The following PDE3A variants were observed in gnomAD, a reference collection of about 807,000 sequenced individuals.
PDE3A encodes the protein phosphodiesterase 3A, also known as cGMP-inhibited 3',5'-cyclic phosphodiesterase 3A.
In PDE3A, 43 loss-of-function variants were observed where a neutral mutation model predicts 98.3. The observed-to-expected ratio is 0.44, with a 90% CI of 0.34 to 0.56. The LOEUF (loss-of-function observed/expected upper bound fraction) is 0.56. PDE3A is among the 20% of genes least tolerant of loss of function. The pLI is 0.01. For synonymous variants in PDE3A, 663 were observed against 567.9 expected, an observed-to-expected ratio of 1.17 and a Z score of -2.38; for missense variants, 1,427 against 1,440.7, an observed-to-expected ratio of 0.99 and a Z score of 0.15.
At chr12:20,514,016 C>A (rs1017865984) in intron 1 of PDE3A, among the ~76,000 whole-genome samples, 1 of 152,218 alleles carries the variant, frequency 6.6e-6, no homozygotes, top group Non-Finnish European at 1.5e-5. Context: ...TAGTCTGTTA[C>A]ACTTGCAGTG....
chr12:20,613,308 T>C, intron 2 of PDE3A, 135 bp from the exon 3 acceptor site: 1 of 751,990 alleles, frequency 1.3e-6, no homozygotes, highest in South Asian at 1.8e-5. Context: ...TTGAAATAGG[T>C]GGTGTGAATT....
rs897281210 is a variant in PDE3A, at chr12:20,369,190, C to T, written c.-95C>T. The T allele has an allele frequency of 3.2e-5, 21 of 653,496 alleles. No homozygotes were observed. The highest frequency in any genetic ancestry group is 6.2e-5 in the East Asian group (2 of 32,234). The allele number at this position is 653,496 out of a possible 1,614,324, so 40.5% of individuals were successfully genotyped here. On this transcript the variant is annotated 5_prime_UTR_variant, in exon 1 of 16. Transcript: ENST00000359062. ...GGTGGAATTGGGAAGAGCGTGCGTG[C>T]GTGTGTGTGTGTGTGTGTGTGCGCG...
chr12:20,592,235 T>A (rs1245433254), intron 2 of PDE3A, among the ~76,000 whole-genome samples: 3 of 152,132 alleles, frequency 2.0e-5, no homozygotes, highest in Admixed American at 2.0e-4. Context: ...TATTGTGTCT[T>A]AAAAGCATAT....
At chr12:20,587,237 T>C (rs1050367413) in intron 2 of PDE3A, among the ~76,000 whole-genome samples, 1 of 152,016 alleles carries the variant, frequency 6.6e-6, no homozygotes, top group Non-Finnish European at 1.5e-5. Flanking sequence ...GCGAGGTGGT[T>C]GCGTGCCTGT....
intron 1 of PDE3A, among the ~76,000 whole-genome samples, chr12:20,435,508 A>AGGTAGGGAGGTAG (rs1250788186): frequency 6.6e-6 from 1 of 152,136 alleles, no homozygotes; most frequent in Non-Finnish European, 1.5e-5. Context: ...ACAATGTCAA[A>AGGTAGGGAGGTAG]GAAAATTTGT....
intron 1 of PDE3A, among the ~76,000 whole-genome samples, chr12:20,380,714 T>C (rs573740359): frequency 6.6e-6 from 1 of 151,892 alleles, no homozygotes; most frequent in South Asian, 2.1e-4. Context: ...AGGCAGACTT[T>C]TTAGAGAGAT....
At chr12:20,595,056 C>G (rs1943433036) in intron 2 of PDE3A, among the ~76,000 whole-genome samples, 1 of 152,008 alleles carries the variant, frequency 6.6e-6, no homozygotes, top group Non-Finnish European at 1.5e-5. Flanking sequence ...TTTACTTCAA[C>G]TAGTTGTAGC....
chr12:20,410,316 C>T lies in PDE3A; in HGVS notation c.960+40072C>T, dbSNP rs150622575. ...GCAGTGAGATTCTGATTCAGGCATT[C>T]AGTATTGGGACCAAGGGAGAGTTAA... On this transcript the variant is annotated intron_variant, in intron 1 of 15. Coordinates refer to ENST00000359062, the MANE Select transcript of PDE3A (RefSeq NM_000921.5). 3.3e-5 allele frequency among the ~76,000 whole-genome samples: 5 copies of T among 152,292 alleles called. No homozygotes were observed. The East Asian group carries it at 9.6e-4, about 29-fold the overall frequency.
intron 1 of PDE3A, among the ~76,000 whole-genome samples, chr12:20,522,985 CTAGT>C (rs1307130834): frequency 6.6e-6 from 1 of 151,638 alleles, no homozygotes; most frequent in African/African-American, 2.4e-5. Context: ...TTTTAAAAAA[CTAGT>C]TAGCCTGAGA....
intron 1 of PDE3A, among the ~76,000 whole-genome samples, chr12:20,495,478 C>A (rs1228172776): frequency 2.6e-5 from 4 of 152,000 alleles, no homozygotes; most frequent in African/African-American, 7.2e-5. Flanking sequence ...TTACATAGAA[C>A]AATATACTTA....
intron 1 of PDE3A, among the ~76,000 whole-genome samples, chr12:20,555,967 A>T (rs1031894378): frequency 2.0e-5 from 3 of 152,182 alleles, no homozygotes; most frequent in African/African-American, 7.2e-5. Context: ...GGTACTGATG[A>T]CTAATAAGAT....
intron 1 of PDE3A, among the ~76,000 whole-genome samples, chr12:20,463,799 C>T (rs1022504334): frequency 7.9e-5 from 12 of 152,086 alleles, no homozygotes; most frequent in Non-Finnish European, 1.3e-4. Flanking sequence ...ATACTTAATC[C>T]CACTTCCCAG....
At chr12:20,598,696 A>T (rs892048257) in intron 2 of PDE3A, among the ~76,000 whole-genome samples, 45 of 152,214 alleles carry the variant, frequency 3.0e-4, no homozygotes, top group Non-Finnish European at 4.4e-4. Context: ...GTACTTAGAG[A>T]TTTCTGAAAG....
chr12:20,639,137 A>G (rs1565458989), intron 9 of PDE3A, among the ~76,000 whole-genome samples: 2 of 152,140 alleles, frequency 1.3e-5, no homozygotes. Flanking sequence ...CAGCATACAG[A>G]ATTTCATTAC....
chr12:20,616,356 A>G lies in PDE3A; in HGVS notation c.1396A>G (p.Ile466Val). Residue 466 changes from isoleucine to valine, a missense_variant, in exon 4 of 16, where the codon ATC (isoleucine) becomes GTC (valine). Physicochemically the swap from Ile to Val is conservative, Grantham distance 29 (BLOSUM62 3). Transcript: ENST00000359062. ...AGTACGGAGAGACCGCAGCACCAGCATCAAACTGCAGGAAGCACCTTCATC... is the reference window on the plus strand; with the variant it reads ...AGTACGGAGAGACCGCAGCACCAGCGTCAAACTGCAGGAAGCACCTTCATC... The part of the protein sequence containing the change: ...APVRRDRSTS[I>V]KLQEAPSSSP... The G allele has an allele frequency of 6.2e-7, 1 of 1,613,502 alleles. No individual in the cohort carries two copies. Among genetic ancestry groups the G allele is most frequent in the Non-Finnish European group, 8.5e-7 (1 of 1,179,580 alleles).
At chr12:20,485,529 T>A (rs1454745042) in intron 1 of PDE3A, among the ~76,000 whole-genome samples, 4 of 152,204 alleles carry the variant, frequency 2.6e-5, no homozygotes, top group Non-Finnish European at 5.9e-5. Context: ...ATTTTCAGAG[T>A]ACTTTATATT....
chr12:20,668,426 C>A (rs1331439598), intron 15 of PDE3A, among the ~76,000 whole-genome samples: 1 of 152,072 alleles, frequency 6.6e-6, no homozygotes, highest in Non-Finnish European at 1.5e-5. Context: ...ACAGCAGTAA[C>A]CTCTGCAGAC....
intron 6 of PDE3A, among the ~76,000 whole-genome samples, chr12:20,632,435 T>C (rs1056004733): frequency 6.6e-6 from 1 of 152,136 alleles, no homozygotes; most frequent in African/African-American, 2.4e-5. Context: ...TAGTCTGTGG[T>C]TAAATAACAA....
intron 15 of PDE3A, among the ~76,000 whole-genome samples, chr12:20,673,119 T>A (rs1429047410): frequency 6.6e-6 from 1 of 152,040 alleles, no homozygotes; most frequent in African/African-American, 2.4e-5. Flanking sequence ...TCACTGGCCA[T>A]CAGAGAAATG....
Sources: gnomAD v4.1 joint callset for allele counts (sites outside exome capture counted in the v4.1 genomes callset) on GRCh38, gnomAD v4.1.1 for gene constraint, MANE v1.5 for transcripts, NCBI Gene and HGNC (gene_info 2026-07-23, HGNC 2026-07-21) for gene names.